Variants in RBFOX3 observed in about 807,000 individuals in gnomAD.
RBFOX3 encodes RNA binding fox-1 homolog 3.
Under a neutral mutation model 48.7 loss-of-function variants are expected in RBFOX3, and 17 were observed. That is an observed-to-expected ratio of 0.35 (90% CI 0.24 to 0.52). The LOEUF (loss-of-function observed/expected upper bound fraction) is 0.52. Ranked by LOEUF, RBFOX3 falls within the 20% of genes least tolerant of loss-of-function variation. The pLI is 0.94. For missense variants in RBFOX3, 382 were observed against 497.5 expected, an observed-to-expected ratio of 0.77 and a Z score of 2.21; for synonymous variants, 212 against 209.5, an observed-to-expected ratio of 1.01 and a Z score of -0.10.
At chr17:79,296,290 ACACACACACACACAC>A (rs1274485802) in intron 3 of RBFOX3, among the ~76,000 whole-genome samples, 1 of 143,238 alleles carries the variant, frequency 7.0e-6, no homozygotes, top group Admixed American at 6.8e-5. Context: ...GCACAAACAG[ACACACACACACACAC>A]CACACACACA....
intron 1 of RBFOX3, among the ~76,000 whole-genome samples, chr17:79,570,020 G>C (rs2092611978): frequency 6.7e-6 from 1 of 150,048 alleles, no homozygotes; most frequent in Non-Finnish European, 1.5e-5. Context: ...TAGATGGATG[G>C]TATATGAACA....
intron 4 of RBFOX3, among the ~76,000 whole-genome samples, chr17:79,172,968 G>A (rs1473374552): frequency 6.6e-6 from 1 of 152,206 alleles, no homozygotes; most frequent in East Asian, 1.9e-4. Context: ...CAGCACTTTG[G>A]GAGGCCGAGG....
chr17:79,433,222 C>A (rs1214286255), intron 2 of RBFOX3, among the ~76,000 whole-genome samples: 31 of 152,190 alleles, frequency 2.0e-4, no homozygotes, highest in Admixed American at 1.9e-3. Flanking sequence ...GTTCCCAGGG[C>A]CACCTTGGGA....
intron 2 of RBFOX3, among the ~76,000 whole-genome samples, chr17:79,395,957 A>G (rs2061947278): frequency 1.3e-5 from 2 of 152,192 alleles, no homozygotes; most frequent in Non-Finnish European, 2.9e-5. Context: ...TGCACTAACA[A>G]GGTGCACACA....
intron 5 of RBFOX3, among the ~76,000 whole-genome samples, chr17:79,114,410 A>C (rs2033183173): frequency 6.6e-6 from 1 of 152,098 alleles, no homozygotes; most frequent in Non-Finnish European, 1.5e-5. Flanking sequence ...GCAGGGAGGA[A>C]AGGCACCGCC....
At chr17:79,356,374 T>TTTG in intron 2 of RBFOX3, among the ~76,000 whole-genome samples, 5 of 105,932 alleles carry the variant, frequency 4.7e-5, no homozygotes, top group Non-Finnish European at 7.7e-5. Flanking sequence ...TTTTTTTTTT[T>TTTG]TTTTTTTTTT....
chr17:79,160,365 G>T (rs1341674952), intron 4 of RBFOX3, among the ~76,000 whole-genome samples: 1 of 152,236 alleles, frequency 6.6e-6, no homozygotes, highest in African/African-American at 2.4e-5. Context: ...TGGCAGTGTG[G>T]TCCCACCTCA....
At chr17:79,177,125 G>A (rs1004418747) in intron 4 of RBFOX3, among the ~76,000 whole-genome samples, 16 of 152,308 alleles carry the variant, frequency 1.1e-4, no homozygotes, top group Admixed American at 8.5e-4. Flanking sequence ...GGTGCCACAT[G>A]GGCCTAGCCT....
At chr17:79,610,462 A>ACCACCG (rs1231724621) in intron 1 of RBFOX3, among the ~76,000 whole-genome samples, 26 of 151,124 alleles carry the variant, frequency 1.7e-4, no homozygotes, top group South Asian at 4.2e-4. Context: ...CACAGCCACC[A>ACCACCG]CCACCGCCAC....
Position 79,423,366 on chromosome 17 carries a change from A to G in RBFOX3, c.-175+59088T>C, listed in dbSNP as rs551857584. ...TCAATGCTTGTGCAGATCCTGCCGC[A>G]CAGACCCCAACCCTACCTCCAGTGT... On this transcript the variant is annotated intron_variant, in intron 2 of 14. Transcript: ENST00000693108. The surrounding 1 kb of genome is among the most constrained non-coding windows in gnomAD (Gnocchi z 4.9). 2.0e-5 allele frequency among the ~76,000 whole-genome samples: 3 copies of G among 152,178 alleles called. No homozygotes were observed. In the South Asian group the frequency reaches 6.2e-4, roughly 32 times the overall value.
intron 2 of RBFOX3, among the ~76,000 whole-genome samples, chr17:79,375,824 T>G (rs2147785713): frequency 6.6e-6 from 1 of 152,334 alleles, no homozygotes; most frequent in Non-Finnish European, 1.5e-5. Flanking sequence ...TGAGCCTGCC[T>G]GCTTCCGGGT....
At chr17:79,551,989 T>A (rs1263610333) in intron 1 of RBFOX3, among the ~76,000 whole-genome samples, 1 of 152,202 alleles carries the variant, frequency 6.6e-6, no homozygotes, top group Non-Finnish European at 1.5e-5. Context: ...AAAATGCAGA[T>A]CCTAAAATTC....
chr17:79,366,831 G>C (rs1327279992), intron 2 of RBFOX3, among the ~76,000 whole-genome samples: 2 of 152,190 alleles, frequency 1.3e-5, no homozygotes, highest in African/African-American at 2.4e-5. Flanking sequence ...GCCCCTTCCG[G>C]GGAGCTGCTC....
At chr17:79,115,940 G>A (rs775599880) in intron 4 of RBFOX3, among the ~76,000 whole-genome samples, 192 bp from the exon 5 acceptor site, 17 of 152,064 alleles carry the variant, frequency 1.1e-4, no homozygotes, top group Non-Finnish European at 2.1e-4. Flanking sequence ...TGGGAATGCC[G>A]GGGAGCCTGG....
chr17:79,567,180 C>CTTTTTTT (rs1159762873), intron 1 of RBFOX3, among the ~76,000 whole-genome samples: 7 of 92,076 alleles, frequency 7.6e-5, no homozygotes, highest in Non-Finnish European at 8.2e-5. Context: ...TTCTTTCTTT[C>CTTTTTTT]TTTTTTTTTT....
At chr17:79,211,096 G>A (rs930652956) in intron 4 of RBFOX3, among the ~76,000 whole-genome samples, 2 of 152,100 alleles carry the variant, frequency 1.3e-5, no homozygotes, top group Non-Finnish European at 2.9e-5. Context: ...AAAACACCAT[G>A]AGGGTGCCGA....
At chr17:79,453,107 C>A (rs2149165414) in intron 2 of RBFOX3, among the ~76,000 whole-genome samples, 1 of 152,386 alleles carries the variant, frequency 6.6e-6, no homozygotes, top group South Asian at 2.1e-4. Context: ...CAGTCCTCAA[C>A]CTGCAGTCAC....
chr17:79,147,887 G>A (rs2043377072), intron 4 of RBFOX3, among the ~76,000 whole-genome samples: 1 of 152,254 alleles, frequency 6.6e-6, no homozygotes, highest in African/African-American at 2.4e-5. Flanking sequence ...GGCTGTGAAG[G>A]GGAAGAAAAT....
At position 79,525,606 on chromosome 17, in the gene RBFOX3, G is replaced by A. The variant is rs1473833955; in HGVS notation, c.-319-43008C>T. Among the ~76,000 whole-genome samples the A allele has an allele frequency of 7.9e-5, 12 of 152,274 alleles. No homozygotes were observed. The South Asian group carries it at 2.3e-3, about 29-fold the overall frequency. ...CTGTAAAGTTTCTATAATCACATACGTGTAATCAAATCAAAGCTATTAGGC... is the reference window on the plus strand; with the variant it reads ...CTGTAAAGTTTCTATAATCACATACATGTAATCAAATCAAAGCTATTAGGC... On this transcript the variant is annotated intron_variant, in intron 1 of 14. Coordinates refer to ENST00000693108, the MANE Select transcript of RBFOX3 (RefSeq NM_001350451.2).
Sources: gnomAD v4.1 joint callset for allele counts (sites outside exome capture counted in the v4.1 genomes callset) on GRCh38, gnomAD v4.1.1 for gene constraint, Gnocchi (gnomAD v3.1) non-coding constraint, MANE v1.5 for transcripts, NCBI Gene and HGNC (gene_info 2026-07-23, HGNC 2026-07-21) for gene names.